FANK1: variants seen among roughly 807,000 people sequenced by gnomAD.
FANK1 encodes the protein fibronectin type 3 and ankyrin repeat domains protein 1.
Under a neutral mutation model 45.3 loss-of-function variants are expected in FANK1, and 44 were observed. That is an observed-to-expected ratio of 0.97 (90% CI 0.76 to 1.25). The LOEUF is 1.25. FANK1 is among the 50% of genes most tolerant of loss of function. FANK1 has a pLI of 0.00. For missense variants in FANK1, 391 were observed against 424.4 expected, an observed-to-expected ratio of 0.92 and a Z score of 0.69; for synonymous variants, 149 against 152.5, an observed-to-expected ratio of 0.98 and a Z score of 0.17.
At chr10:125,947,631 A>T (rs1948904948) in intron 1 of FANK1, among the ~76,000 whole-genome samples, 2 of 151,678 alleles carry the variant, frequency 1.3e-5, no homozygotes, top group South Asian at 4.2e-4. Context: ...TGAGTGACCT[A>T]CAAAGAGACT....
At chr10:125,998,420 A>G (rs1379822421) in intron 6 of FANK1, among the ~76,000 whole-genome samples, 1 of 152,266 alleles carries the variant, frequency 6.6e-6, no homozygotes, top group Non-Finnish European at 1.5e-5. Flanking sequence ...TTTTCCAAAT[A>G]ACTCATAGGT....
intron 4 of FANK1, 77 bp from the exon 5 acceptor site, chr10:125,996,473 C>T (rs537118909): frequency 7.4e-7 from 1 of 1,357,284 alleles, no homozygotes; most frequent in South Asian, 1.2e-5. Flanking sequence ...CCCACCTAAG[C>T]CCTGTGAGAA....
intron 1 of FANK1, among the ~76,000 whole-genome samples, chr10:125,971,168 G>A (rs879456629): frequency 5.9e-5 from 9 of 152,060 alleles, no homozygotes; most frequent in Non-Finnish European, 1.0e-4. Flanking sequence ...CTTGCTAATT[G>A]TTTCACCCAC....
chr10:125,958,316 C>T (rs1949709413), intron 1 of FANK1, among the ~76,000 whole-genome samples: 1 of 152,024 alleles, frequency 6.6e-6, no homozygotes, highest in African/African-American at 2.4e-5. Flanking sequence ...GAAGAACTGC[C>T]CGAGACTGGG....
intron 1 of FANK1, among the ~76,000 whole-genome samples, chr10:125,956,713 A>C (rs1026210441): frequency 3.9e-5 from 6 of 152,198 alleles, no homozygotes; most frequent in Admixed American, 3.3e-4. Context: ...TTTATTTAGC[A>C]ATGATGGTGA....
At chr10:125,963,459 C>T (rs10458780) in intron 1 of FANK1, among the ~76,000 whole-genome samples, 37,967 of 152,058 alleles carry the variant, frequency 0.25, 5,584 homozygotes, top group Non-Finnish European at 0.34. Context: ...ACGTTTATTG[C>T]GGCACTATTC....
At chr10:125,897,413 T>C (rs1321653349) in intron 1 of FANK1, among the ~76,000 whole-genome samples, 1 of 152,310 alleles carries the variant, frequency 6.6e-6, no homozygotes, top group Non-Finnish European at 1.5e-5. Flanking sequence ...AGCTGTCTTA[T>C]TGTTCCTTTT....
chr10:126,009,487 G>A lies in FANK1; in HGVS notation c.*49G>A, dbSNP rs1167222118. On this transcript the variant is annotated 3_prime_UTR_variant, in exon 11 of 11. Transcript: ENST00000368693. ...ACGCACGTAAAACAAAGTGAACCGT[G>A]ACTGTTAAACTAGGGATGGGAAATT... 1 of 1,595,442 alleles carries A rather than the reference G, an allele frequency of 6.3e-7. No homozygotes were observed. The highest frequency in any genetic ancestry group is 8.6e-7 in the Non-Finnish European group (1 of 1,167,640).
intron 1 of FANK1, among the ~76,000 whole-genome samples, chr10:125,940,360 G>A (rs1345127313): frequency 1.3e-5 from 2 of 152,152 alleles, no homozygotes; most frequent in Non-Finnish European, 2.9e-5. Context: ...GGAACTCTGT[G>A]TCACAAATAA....
chr10:125,974,735 A>G (rs1950748102), intron 1 of FANK1, among the ~76,000 whole-genome samples: 1 of 152,352 alleles, frequency 6.6e-6, no homozygotes, highest in South Asian at 2.1e-4. Context: ...CTTTATGGAC[A>G]TAGAATAACT....
intron 1 of FANK1, among the ~76,000 whole-genome samples, chr10:125,971,265 A>G (rs1950496922): frequency 6.6e-6 from 1 of 151,648 alleles, no homozygotes; most frequent in Non-Finnish European, 1.5e-5. Context: ...CTGGCTTCCT[A>G]CCCATTCCCA....
In FANK1 at chr10:125,992,692, G is replaced by T. The variant is rs568543350; in HGVS notation, c.317-2725G>T. On this transcript the variant is annotated intron_variant, in intron 3 of 10. Coordinates refer to ENST00000368693, the MANE Select transcript of FANK1 (RefSeq NM_145235.5). ...CCTTTGCATGCTGCAGAGCTTCCTG[G>T]TTAGGATGCGCTAGGAAGTGTCCCC... 4.6e-5 allele frequency among the ~76,000 whole-genome samples: 7 copies of T among 152,128 alleles called. No individual in the cohort carries two copies. The South Asian group carries it at 1.0e-3, about 23-fold the overall frequency.
chr10:125,996,472 G>C, intron 4 of FANK1, 78 bp from the exon 5 acceptor site: 1 of 1,350,676 alleles, frequency 7.4e-7, no homozygotes, highest in Non-Finnish European at 1.0e-6. Context: ...ACCCACCTAA[G>C]CCCTGTGAGA....
intron 1 of FANK1, among the ~76,000 whole-genome samples, chr10:125,906,211 T>G (rs1945497780): frequency 6.6e-6 from 1 of 151,872 alleles, no homozygotes; most frequent in Non-Finnish European, 1.5e-5. Context: ...ATCTCCCAGG[T>G]CCGTTACAAA....
chr10:125,938,877 C>T lies in FANK1; in HGVS notation c.14-41284C>T, dbSNP rs572770305. On this transcript the variant is annotated intron_variant, in intron 1 of 10. Coordinates refer to ENST00000368693, the MANE Select transcript of FANK1 (RefSeq NM_145235.5). The stretch of plus-strand genomic sequence containing the variant: ...TATACAGAACCAGCTTGAAGGGTCT[C>T]CCACTAGCCAAATTTGGAAGCATTT... Among the ~76,000 whole-genome samples the T allele has an allele frequency of 9.9e-5, 15 of 152,182 alleles. No homozygotes were observed. In the South Asian group the frequency reaches 2.9e-3, roughly 30 times the overall value.
intron 1 of FANK1, among the ~76,000 whole-genome samples, chr10:125,906,447 T>G (rs1418061329): frequency 7.4e-6 from 1 of 134,528 alleles, no homozygotes; most frequent in East Asian, 2.2e-4. Context: ...ACCTGGGAAG[T>G]GGAGGTTGCA....
intron 10 of FANK1, 32 bp from the exon 11 acceptor site, chr10:126,009,341 A>G (rs777427348): frequency 1.2e-6 from 2 of 1,613,926 alleles, no homozygotes; most frequent in Admixed American, 1.7e-5. Flanking sequence ...AAAACCCTGG[A>G]TTACATTCGC....
chr10:125,951,859 A>C (rs1317962264), intron 1 of FANK1, among the ~76,000 whole-genome samples: 1 of 152,226 alleles, frequency 6.6e-6, no homozygotes, highest in African/African-American at 2.4e-5. Context: ...AAGCAATTCA[A>C]ATGCATTTAA....
At chr10:125,957,166 T>A (rs1949632946) in intron 1 of FANK1, among the ~76,000 whole-genome samples, 1 of 152,186 alleles carries the variant, frequency 6.6e-6, no homozygotes, top group African/African-American at 2.4e-5. Flanking sequence ...ACTGTAGACA[T>A]CTTTAACATA....
Sources: gnomAD v4.1 joint callset for allele counts (sites outside exome capture counted in the v4.1 genomes callset) on GRCh38, gnomAD v4.1.1 for gene constraint, MANE v1.5 for transcripts, NCBI Gene and HGNC (gene_info 2026-07-23, HGNC 2026-07-21) for gene names.